Variants in PAK5 observed in about 807,000 individuals in gnomAD.
The protein encoded by PAK5 is p21 (RAC1) activated kinase 5.
A neutral mutation model predicts 65.9 loss-of-function variants in PAK5; 16 were observed. The observed-to-expected ratio is 0.24, with a 90% confidence interval of 0.16 to 0.37. The LOEUF is 0.37. Ranked by LOEUF, PAK5 falls within the 10% of genes least tolerant of loss-of-function variation. The pLI, the probability that PAK5 is intolerant of heterozygous loss-of-function variation, is 1.00. For missense variants in PAK5, 785 were observed against 903.9 expected, an observed-to-expected ratio of 0.87 and a Z score of 1.69; for synonymous variants, 371 against 354.9, an observed-to-expected ratio of 1.05 and a Z score of -0.51.
rs575072213 is a variant in PAK5, at chr20:9,596,443, T to C, written c.205-15513A>G. Among the ~76,000 whole-genome samples the C allele has an allele frequency of 8.5e-5, 13 of 152,110 alleles. No homozygotes were observed. The South Asian group carries it at 1.5e-3, about 17-fold the overall frequency. On this transcript the variant is annotated intron_variant, in intron 3 of 9. Transcript: ENST00000353224. The stretch of plus-strand genomic sequence containing the variant: ...CAAGGTCAGGAGATCAAGACCATCC[T>C]GGCTAACACAGTGAAACCCCGTCTC...
chr20:9,673,153 T>G (rs2047523832), intron 2 of PAK5, among the ~76,000 whole-genome samples: 1 of 151,990 alleles, frequency 6.6e-6, no homozygotes, highest in African/African-American at 2.4e-5. Flanking sequence ...TTAAAATAAC[T>G]ACAAAATACC....
intron 1 of PAK5, among the ~76,000 whole-genome samples, chr20:9,738,223 A>G (rs1243612734): frequency 7.3e-5 from 11 of 151,674 alleles, no homozygotes; most frequent in Non-Finnish European, 1.0e-4. Flanking sequence ...GTGGGAATGG[A>G]AAATTGTATA....
At chr20:9,762,293 A>T (rs2048708788) in intron 1 of PAK5, among the ~76,000 whole-genome samples, 1 of 152,192 alleles carries the variant, frequency 6.6e-6, no homozygotes, top group Non-Finnish European at 1.5e-5. Context: ...GCTTCTGCAT[A>T]GCAAAGGAAA....
At chr20:9,792,056 T>G (rs911374708) in intron 1 of PAK5, among the ~76,000 whole-genome samples, 1 of 152,190 alleles carries the variant, frequency 6.6e-6, no homozygotes, top group Non-Finnish European at 1.5e-5. Flanking sequence ...CTTTCTCCCC[T>G]ACCAGACTGT....
chr20:9,691,046 T>C (rs1048270087), intron 2 of PAK5, among the ~76,000 whole-genome samples: 24 of 152,072 alleles, frequency 1.6e-4, no homozygotes, highest in Non-Finnish European at 2.9e-4. Context: ...TGAGCCATGG[T>C]ACCCAGCCTT....
intron 2 of PAK5, among the ~76,000 whole-genome samples, chr20:9,685,419 T>G (rs1320750707): frequency 6.6e-6 from 1 of 152,158 alleles, no homozygotes; most frequent in Non-Finnish European, 1.5e-5. Flanking sequence ...AAGGAAAATA[T>G]GGACACGGAT....
At chr20:9,729,753 G>A (rs1325443327) in intron 1 of PAK5, among the ~76,000 whole-genome samples, 1 of 150,886 alleles carries the variant, frequency 6.6e-6, no homozygotes, top group East Asian at 2.0e-4. Flanking sequence ...AAAGATAGAA[G>A]AAACCTGTGG....
chr20:9,817,540 A>G (rs966486982), intron 1 of PAK5, among the ~76,000 whole-genome samples: 3 of 152,238 alleles, frequency 2.0e-5, no homozygotes, highest in African/African-American at 4.8e-5. Context: ...ATAACAGAAA[A>G]TAAACAGATA....
intron 2 of PAK5, among the ~76,000 whole-genome samples, chr20:9,654,331 T>C (rs1343787705): frequency 6.6e-6 from 1 of 152,184 alleles, no homozygotes; most frequent in Non-Finnish European, 1.5e-5. Context: ...CTTTTAAGGA[T>C]GCTTGTATTA....
Position 9,557,610 on chromosome 20 carries a change from G to A in PAK5, c.1741C>T (p.Arg581Trp), listed in dbSNP as rs746240534. ...CGGGCCAAACATGAACATCTTACCC[G>A]GCCATCGCTTGTCAGGAGGATGGAG... Reference protein sequence around the residue: ...SDSILLTSDGRIKLSDFGFCA... With the variant: ...SDSILLTSDGWIKLSDFGFCA... The change falls in exon 7 of 10, where the codon CGG becomes TGG. Residue 581 changes from arginine to tryptophan, a missense_variant and splice_region_variant. Around this residue, in one of 4 missense-constraint regions of PAK5, gnomAD observed 182 missense variants for 273.0 expected, o/e 0.67. Transcript: ENST00000353224. 2.3e-5 allele frequency: 37 copies of A among 1,607,742 alleles called. No homozygotes were observed. The highest frequency in any genetic ancestry group is 2.5e-5 in the Non-Finnish European group (29 of 1,177,244).
intron 1 of PAK5, among the ~76,000 whole-genome samples, chr20:9,816,006 T>C (rs1318510076): frequency 1.3e-5 from 2 of 152,122 alleles, no homozygotes; most frequent in African/African-American, 2.4e-5. Context: ...TTCTGAGTCA[T>C]TGGTGTCTAA....
intron 2 of PAK5, among the ~76,000 whole-genome samples, chr20:9,655,262 C>G (rs552987165): frequency 6.6e-6 from 1 of 152,298 alleles, no homozygotes; most frequent in Non-Finnish European, 1.5e-5. Flanking sequence ...AAGAAGCATA[C>G]AAAACAAAAG....
chr20:9,767,789 G>A (rs1048975484), intron 1 of PAK5, among the ~76,000 whole-genome samples: 2 of 152,062 alleles, frequency 1.3e-5, no homozygotes, highest in Non-Finnish European at 2.9e-5. Context: ...GGGATTCTAG[G>A]GGATATTTTT....
chr20:9,814,178 A>G (rs1484873546), intron 1 of PAK5, among the ~76,000 whole-genome samples: 1 of 152,166 alleles, frequency 6.6e-6, no homozygotes, highest in Non-Finnish European at 1.5e-5. Context: ...AGTAGGCAGG[A>G]CTATGTTAGA....
intron 3 of PAK5, among the ~76,000 whole-genome samples, chr20:9,630,742 G>A (rs1207504824): frequency 6.6e-6 from 1 of 152,220 alleles, no homozygotes; most frequent in Non-Finnish European, 1.5e-5. Context: ...CTAAGCCACA[G>A]AGGGCCATTC....
At chr20:9,609,317 G>A (rs2046514992) in intron 3 of PAK5, among the ~76,000 whole-genome samples, 2 of 152,172 alleles carry the variant, frequency 1.3e-5, no homozygotes, top group Non-Finnish European at 2.9e-5. Flanking sequence ...TTGCAACCCC[G>A]TTTGTCCTGC....
At chr20:9,773,818 A>G (rs2048859079) in intron 1 of PAK5, among the ~76,000 whole-genome samples, 1 of 152,244 alleles carries the variant, frequency 6.6e-6, no homozygotes. Context: ...TTGCAGGTGA[A>G]GAAAACAAGG....
At chr20:9,567,168 C>T (rs1012048805) in intron 4 of PAK5, among the ~76,000 whole-genome samples, 18 of 152,282 alleles carry the variant, frequency 1.2e-4, no homozygotes, top group African/African-American at 4.1e-4. Flanking sequence ...ATGTGGTATG[C>T]TCCTAGCCCA....
chr20:9,602,454 GC>G (rs2046379241), intron 3 of PAK5, among the ~76,000 whole-genome samples: 1 of 152,154 alleles, frequency 6.6e-6, no homozygotes, highest in Admixed American at 6.5e-5. Context: ...GTGGAGCACA[GC>G]CCCTTGGTGT....
Sources: allele counts gnomAD v4.1 joint callset (sites outside exome capture counted in the v4.1 genomes callset), GRCh38; gene constraint gnomAD v4.1.1; regional missense constraint gnomAD v4.1.1; transcripts MANE v1.5; gene names NCBI Gene and HGNC (gene_info 2026-07-23, HGNC 2026-07-21).